APBB1IP: variants seen among roughly 807,000 people sequenced by gnomAD.
APBB1IP encodes the protein amyloid beta A4 precursor protein-binding family B member 1-interacting protein.
In APBB1IP, 27 loss-of-function variants were observed where a neutral mutation model predicts 64.9. The observed-to-expected ratio is 0.42, with a 90% confidence interval of 0.31 to 0.57. APBB1IP has a LOEUF of 0.57. Among genes scored for constraint, APBB1IP ranks in the 20% least tolerant of loss-of-function variants. The pLI, the probability that APBB1IP is intolerant of heterozygous loss-of-function variation, is 0.20. For synonymous variants in APBB1IP, 392 were observed against 331.0 expected, an observed-to-expected ratio of 1.18 and a Z score of -2.00; for missense variants, 812 against 845.5, an observed-to-expected ratio of 0.96 and a Z score of 0.49.
chr10:26,554,641 G>A (rs1381160871), intron 11 of APBB1IP, among the ~76,000 whole-genome samples: 1 of 152,138 alleles, frequency 6.6e-6, no homozygotes, highest in African/African-American at 2.4e-5. Flanking sequence ...GAGTGTGGTG[G>A]TATGATCACA....
At chr10:26,495,887 TTA>T (rs547080357) in intron 3 of APBB1IP, among the ~76,000 whole-genome samples, 10 of 143,750 alleles carry the variant, frequency 7.0e-5, no homozygotes, top group Non-Finnish European at 1.5e-4. Flanking sequence ...TTACAGAATT[TTA>T]TATATATATA....
At position 26,513,765 on chromosome 10, in the gene APBB1IP, C is replaced by T. The variant is rs1011083966; in HGVS notation, c.813+105C>T. 4.2e-5 allele frequency: 59 copies of T among 1,388,392 alleles called. No homozygotes were observed. In the South Asian group the frequency reaches 4.5e-4, roughly 11 times the overall value. 86.0% of individuals were successfully genotyped at this position (1,388,392 alleles called of 1,614,324 possible). Reference sequence around the variant, plus strand: ...GAGACAGGGTCTGAAAGGCTGGAGACGGAGTCTCGAAGGCTGGAGTGCAGT... The same window carrying T: ...GAGACAGGGTCTGAAAGGCTGGAGATGGAGTCTCGAAGGCTGGAGTGCAGT... On this transcript the variant is annotated intron_variant, in intron 8 of 14. Coordinates refer to ENST00000376236, the MANE Select transcript of APBB1IP (RefSeq NM_019043.4).
chr10:26,439,526 C>T (rs1307153313), intron 2 of APBB1IP, among the ~76,000 whole-genome samples: 1 of 152,170 alleles, frequency 6.6e-6, no homozygotes, highest in African/African-American at 2.4e-5. Context: ...AGGAAACTAA[C>T]TAGGGTGTCC....
intron 2 of APBB1IP, among the ~76,000 whole-genome samples, chr10:26,480,135 T>C (rs1340949754): frequency 6.6e-6 from 1 of 152,124 alleles, no homozygotes; most frequent in East Asian, 1.9e-4. Flanking sequence ...GAGCAGAGCG[T>C]TTCCTTCAGA....
intron 8 of APBB1IP, among the ~76,000 whole-genome samples, chr10:26,524,512 A>C (rs78499963): frequency 0.017 from 2,570 of 152,320 alleles, 55 homozygotes; most frequent in African/African-American, 0.058. Flanking sequence ...CTGAAAAAGT[A>C]TGCCCCTGGC....
intron 2 of APBB1IP, among the ~76,000 whole-genome samples, chr10:26,462,053 C>T (rs1835599136): frequency 6.6e-6 from 1 of 152,282 alleles, no homozygotes; most frequent in South Asian, 2.1e-4. Flanking sequence ...ATCCACGTGG[C>T]TGCTTCTGTA....
At position 26,562,191 on chromosome 10, in the gene APBB1IP, T is replaced by G. The variant is rs191307690; in HGVS notation, c.1370-135T>G. 8.8e-5 allele frequency: 57 copies of G among 650,742 alleles called. No individual in the cohort carries two copies. Among genetic ancestry groups the G allele is most frequent in the Admixed American group, 5.5e-4 (23 of 41,542 alleles). The allele number at this position is 650,742 out of a possible 1,614,324, so 40.3% of individuals were successfully genotyped here. A position where few individuals can be genotyped will look rare whatever the true frequency, so the allele number is the denominator to read the frequency against. On this transcript the variant is annotated intron_variant, in intron 13 of 14. Coordinates refer to ENST00000376236, the MANE Select transcript of APBB1IP (RefSeq NM_019043.4). ...TCTCTTTGCTTTGTTTTTATTTTTG[T>G]TTTTTTTGTAAGAACTAGCCAACAA...
At chr10:26,564,276 T>C (rs971565857) in intron 14 of APBB1IP, among the ~76,000 whole-genome samples, 1 of 151,768 alleles carries the variant, frequency 6.6e-6, no homozygotes, top group African/African-American at 2.4e-5. Flanking sequence ...TGTTTCATTA[T>C]ATAAATTATT....
intron 8 of APBB1IP, among the ~76,000 whole-genome samples, chr10:26,530,419 T>C (rs575964362): frequency 1.3e-4 from 19 of 151,940 alleles, no homozygotes; most frequent in Non-Finnish European, 2.4e-4. Context: ...TGGCCAGGTA[T>C]GGTGGCTCAC....
chr10:26,553,977 C>G (rs764065437), intron 11 of APBB1IP, among the ~76,000 whole-genome samples: 10 of 152,144 alleles, frequency 6.6e-5, no homozygotes, highest in Non-Finnish European at 1.3e-4. Flanking sequence ...CCAGACTCCC[C>G]GTGCTCTCGC....
At chr10:26,485,249 C>T (rs781182867) in intron 2 of APBB1IP, among the ~76,000 whole-genome samples, 6 of 152,196 alleles carry the variant, frequency 3.9e-5, no homozygotes, top group Admixed American at 6.5e-5. Context: ...GACTGTTTAA[C>T]GGCTCTGATA....
chr10:26,498,739 A>T (rs368195174), intron 4 of APBB1IP, among the ~76,000 whole-genome samples: 2 of 152,174 alleles, frequency 1.3e-5, no homozygotes, highest in African/African-American at 4.8e-5. Context: ...ACTGACAATG[A>T]TAGGAGCAAT....
chr10:26,543,262 C>T (rs1385887642), intron 11 of APBB1IP, among the ~76,000 whole-genome samples: 1 of 151,856 alleles, frequency 6.6e-6, no homozygotes, highest in Non-Finnish European at 1.5e-5. Flanking sequence ...AGGCCAAGGA[C>T]TCTAGACCGT....
In APBB1IP at chr10:26,567,311, C is replaced by A. The variant is rs768010831; in HGVS notation, c.1824C>A (p.Pro608=). The change falls in exon 15 of 15, where the codon CCC becomes CCA. Residue 608 remains proline, a synonymous_variant. Coordinates refer to ENST00000376236, the MANE Select transcript of APBB1IP (RefSeq NM_019043.4). ...LPPPPPPPPA[P]APAPVPDSAR... ...CGCCGCCGCCGCCGCCGCCCGCGCC[C>A]GCGCCCGCCCCCGTCCCCGACTCCG... 15 of 1,139,348 alleles carry A rather than the reference C, an allele frequency of 1.3e-5. No individual in the cohort carries two copies. In the African/African-American group the frequency reaches 2.4e-4, roughly 18 times the overall value. The allele number at this position is 1,139,348 out of a possible 1,614,324, so 70.6% of individuals were successfully genotyped here. A position where few individuals can be genotyped will look rare whatever the true frequency, so the allele number is the denominator to read the frequency against.
intron 2 of APBB1IP, among the ~76,000 whole-genome samples, chr10:26,451,822 T>C (rs7904878): frequency 0.12 from 18,001 of 152,218 alleles, 1,263 homozygotes; most frequent in Admixed American, 0.16. Flanking sequence ...GAAGGCAATC[T>C]TCAGTCAATC....
chr10:26,505,371 T>G (rs1376886825), intron 6 of APBB1IP, among the ~76,000 whole-genome samples: 2 of 152,204 alleles, frequency 1.3e-5, no homozygotes, highest in African/African-American at 2.4e-5. Flanking sequence ...CTGCAAGTGA[T>G]TAATTCCACA....
intron 14 of APBB1IP, among the ~76,000 whole-genome samples, chr10:26,562,734 C>T (rs868819751): frequency 6.6e-6 from 1 of 152,002 alleles, no homozygotes; most frequent in Non-Finnish European, 1.5e-5. Context: ...GAGGTTAAGG[C>T]GGCAGTGATC....
At chr10:26,462,447 AGGAGTGG>A (rs1835604014) in intron 2 of APBB1IP, among the ~76,000 whole-genome samples, 1 of 152,354 alleles carries the variant, frequency 6.6e-6, no homozygotes, top group African/African-American at 2.4e-5. Context: ...GATTTTTATC[AGGAGTGG>A]GTATTGGATT....
chr10:26,505,093 C>T (rs961752315), intron 6 of APBB1IP, among the ~76,000 whole-genome samples: 2 of 152,174 alleles, frequency 1.3e-5, no homozygotes, highest in Non-Finnish European at 2.9e-5. Flanking sequence ...AATAACATCT[C>T]TGAGACTCAT....
Sources: allele counts gnomAD v4.1 joint callset (sites outside exome capture counted in the v4.1 genomes callset), GRCh38; gene constraint gnomAD v4.1.1; transcripts MANE v1.5; gene names NCBI Gene and HGNC (gene_info 2026-07-23, HGNC 2026-07-21).